CDH12: variants seen among roughly 807,000 people sequenced by gnomAD.
The protein encoded by CDH12 is cadherin 12.
In CDH12, 41 loss-of-function variants were observed where a neutral mutation model predicts 74.1. That is an observed-to-expected ratio of 0.55 (90% CI 0.43 to 0.72). CDH12 has a LOEUF of 0.72. CDH12 is among the 30% of genes least tolerant of loss of function. CDH12 has a pLI of 0.00. For missense variants in CDH12, 945 were observed against 977.2 expected (o/e 0.97, Z 0.44); for synonymous variants, 399 against 355.0 (o/e 1.12, Z -1.39).
chr5:21,903,910 A>T (rs1753514160), intron 6 of CDH12, among the ~76,000 whole-genome samples: 1 of 152,124 alleles, frequency 6.6e-6, no homozygotes, highest in South Asian at 2.1e-4. Context: ...GACACAAAAA[A>T]AGCCATCAAC....
In CDH12 at chr5:21,954,904, C is replaced by T. The variant is rs1756027178; in HGVS notation, c.526+20187G>A. ...AAAATCAACAGGAGAATAGCAAAAA[C>T]TTATGAGATAGATGAACGTTGTGTG... On this transcript the variant is annotated intron_variant, in intron 6 of 14. Transcript: ENST00000382254. Among the ~76,000 whole-genome samples the T allele has an allele frequency of 3.9e-5, 6 of 152,094 alleles. No individual in the cohort carries two copies. The South Asian group carries it at 1.2e-3, about 32-fold the overall frequency.
chr5:21,978,386 G>A (rs1197173254), intron 5 of CDH12, among the ~76,000 whole-genome samples: 1 of 151,960 alleles, frequency 6.6e-6, no homozygotes, highest in African/African-American at 2.4e-5. Context: ...CAAATAATCC[G>A]CCCGCCTCAG....
chr5:22,271,825 GAGTCTAAAAT>G (rs1287028008), intron 3 of CDH12, among the ~76,000 whole-genome samples: 2 of 151,850 alleles, frequency 1.3e-5, no homozygotes, highest in African/African-American at 4.8e-5. Flanking sequence ...TCTCAACAGT[GAGTCTAAAAT>G]ATTAGGTGAA....
At chr5:22,643,907 A>G (rs918477760) in intron 1 of CDH12, among the ~76,000 whole-genome samples, 1 of 151,896 alleles carries the variant, frequency 6.6e-6, no homozygotes, top group Admixed American at 6.6e-5. Context: ...ATTATCTATT[A>G]TTGTGATCTA....
intron 5 of CDH12, among the ~76,000 whole-genome samples, chr5:22,042,348 T>C (rs1268162412): frequency 6.6e-6 from 1 of 151,946 alleles, no homozygotes; most frequent in South Asian, 2.1e-4. Context: ...ACACAAAAGA[T>C]AGAGAAAGCT....
At chr5:22,202,063 G>T (rs543481392) in intron 4 of CDH12, among the ~76,000 whole-genome samples, 1 of 151,866 alleles carries the variant, frequency 6.6e-6, no homozygotes, top group African/African-American at 2.4e-5. Flanking sequence ...ACATAGAAAA[G>T]GTTTTGAGGC....
chr5:22,621,796 A>G (rs573401393), intron 1 of CDH12, among the ~76,000 whole-genome samples: 68 of 152,190 alleles, frequency 4.5e-4, no homozygotes, highest in African/African-American at 1.6e-3. Context: ...CTGAATATTA[A>G]TTATAAATTG....
intron 1 of CDH12, among the ~76,000 whole-genome samples, chr5:22,551,091 C>T (rs1253781447): frequency 6.6e-6 from 1 of 152,098 alleles, no homozygotes; most frequent in Non-Finnish European, 1.5e-5. Context: ...TTGTCAGAGC[C>T]TTTAAAAAGG....
chr5:22,685,218 T>C (rs2126934781), intron 1 of CDH12, among the ~76,000 whole-genome samples: 1 of 152,242 alleles, frequency 6.6e-6, no homozygotes, highest in Non-Finnish European at 1.5e-5. Flanking sequence ...TTAGACTATT[T>C]CGTCACCTCA....
intron 2 of CDH12, among the ~76,000 whole-genome samples, chr5:22,410,889 G>C (rs895147557): frequency 6.6e-6 from 1 of 152,078 alleles, no homozygotes; most frequent in African/African-American, 2.4e-5. Flanking sequence ...AAGGCTGGGG[G>C]AAGGAGTGGC....
intron 6 of CDH12, among the ~76,000 whole-genome samples, chr5:21,868,754 G>C (rs1053793079): frequency 1.3e-5 from 2 of 152,130 alleles, no homozygotes; most frequent in African/African-American, 4.8e-5. Flanking sequence ...CTTCAGAATG[G>C]ATCACGGTTT....
rs145189313 is a variant in CDH12 at position 21,975,133 on chromosome 5, C to G, written c.484G>C (p.Asp162His). The change falls in exon 6 of 15, where the codon GAT becomes CAT. Residue 162 changes from aspartate (D) to histidine (H), a missense_variant. Physicochemically the swap from Asp to His is moderately conservative, Grantham distance 81. This residue lies in a region of CDH12 where 791 missense variants were observed against 792.8 expected (regional missense o/e 1.00). Coordinates refer to ENST00000382254, the MANE Select transcript of CDH12 (RefSeq NM_004061.5). ...DINDNEPKFLDGPYVATVPEM... is the reference protein window; with the variant it reads ...DINDNEPKFLHGPYVATVPEM... ...GGAACAGTAGCAACATAAGGTCCAT[C>G]CAAAAACTTTGGCTCATTATCATTA... The G allele has an allele frequency of 4.7e-4, 753 of 1,597,238 alleles. No homozygotes were observed. The highest frequency in any genetic ancestry group is 6.2e-4 in the Non-Finnish European group (737 of 1,179,598).
intron 1 of CDH12, among the ~76,000 whole-genome samples, chr5:22,569,391 TA>T (rs1739438078): frequency 6.6e-6 from 1 of 152,264 alleles, no homozygotes; most frequent in Admixed American, 6.5e-5. Context: ...CTGCCATGAG[TA>T]AAAACTCCTT....
At chr5:22,677,789 A>G (rs765819087) in intron 1 of CDH12, among the ~76,000 whole-genome samples, 4 of 152,134 alleles carry the variant, frequency 2.6e-5, no homozygotes, top group Non-Finnish European at 5.9e-5. Flanking sequence ...TGGGATGCCC[A>G]CAATTCCATA....
chr5:22,295,549 G>A (rs951777527), intron 3 of CDH12, among the ~76,000 whole-genome samples: 3 of 152,060 alleles, frequency 2.0e-5, no homozygotes, highest in African/African-American at 4.8e-5. Context: ...ATGCCTGGGG[G>A]AATATGAACA....
chr5:22,023,501 T>A (rs1738132766), intron 5 of CDH12, among the ~76,000 whole-genome samples: 1 of 152,056 alleles, frequency 6.6e-6, no homozygotes, highest in African/African-American at 2.4e-5. Flanking sequence ...CTGTCTATTA[T>A]CTATATTTGT....
chr5:22,368,960 C>T (rs537411591), intron 3 of CDH12, among the ~76,000 whole-genome samples: 2 of 152,136 alleles, frequency 1.3e-5, no homozygotes, highest in African/African-American at 2.4e-5. Context: ...GAAACCCCGT[C>T]TCTACTAAAA....
chr5:22,480,540 G>C (rs1160765496), intron 2 of CDH12, among the ~76,000 whole-genome samples: 1 of 149,436 alleles, frequency 6.7e-6, no homozygotes, highest in Non-Finnish European at 1.5e-5. Context: ...AGCCGGGATT[G>C]TACCACTGCA....
chr5:22,657,453 G>A (rs1338971784), intron 1 of CDH12, among the ~76,000 whole-genome samples: 1 of 152,016 alleles, frequency 6.6e-6, no homozygotes, highest in African/African-American at 2.4e-5. Context: ...AAAAAACAAA[G>A]CTCTTCTAAG....
Sources: allele counts gnomAD v4.1 joint callset (sites outside exome capture counted in the v4.1 genomes callset), GRCh38; gene constraint gnomAD v4.1.1; regional missense constraint gnomAD v4.1.1; transcripts MANE v1.5; gene names NCBI Gene and HGNC (gene_info 2026-07-23, HGNC 2026-07-21).